PDXDC1: variants seen among roughly 807,000 people sequenced by gnomAD.
The protein encoded by PDXDC1 is pyridoxal-dependent decarboxylase domain-containing protein 1.
Under a neutral mutation model 100.1 loss-of-function variants are expected in PDXDC1, and 42 were observed. The observed-to-expected ratio is 0.42, with a 90% confidence interval of 0.33 to 0.54. The LOEUF is 0.54. PDXDC1 is among the 20% of genes least tolerant of loss of function. PDXDC1 has a pLI of 0.10. For missense variants in PDXDC1, 636 were observed against 979.2 expected (o/e 0.65, Z 4.68); for synonymous variants, 260 against 371.7 (o/e 0.70, Z 3.46).
rs867397229 is a variant in PDXDC1, at chr16:14,984,123, G to A, written c.21+8903G>A. Among the ~76,000 whole-genome samples the A allele has an allele frequency of 5.3e-5, 8 of 152,254 alleles. 1 individual carries two copies. The highest frequency in any genetic ancestry group is 2.6e-4 in the Admixed American group (4 of 15,282). Reference sequence around the variant, plus strand: ...GGCTGCAGGGAGCCACGATAGTGCCGCTGCACTTGGCCTGGGTGACAGAGT... The same window carrying A: ...GGCTGCAGGGAGCCACGATAGTGCCACTGCACTTGGCCTGGGTGACAGAGT... On this transcript the variant is annotated intron_variant, in intron 1 of 22. Coordinates refer to ENST00000396410, the MANE Select transcript of PDXDC1 (RefSeq NM_015027.4).
At chr16:15,133,377 GC>G in intron 16 of PDXDC1, 1 of 1,036,568 alleles carries the variant, frequency 9.6e-7, no homozygotes, top group Non-Finnish European at 1.5e-6. Flanking sequence ...CAGACTGTGA[GC>G]CCCATTGCGC....
chr16:15,049,201 A>G (rs2044202097), intron 16 of PDXDC1, among the ~76,000 whole-genome samples: 2 of 150,442 alleles, frequency 1.3e-5, no homozygotes, highest in Non-Finnish European at 3.0e-5. Flanking sequence ...GCTGATTTTT[A>G]TACTTTTTGT....
intron 1 of PDXDC1, among the ~76,000 whole-genome samples, chr16:14,990,381 T>C (rs1970501668): frequency 1.3e-5 from 2 of 152,300 alleles, no homozygotes; most frequent in Non-Finnish European, 2.9e-5. Flanking sequence ...TGGTGTTGTT[T>C]ATTAATGTTG....
chr16:15,032,607 TC>T, intron 17 of PDXDC1: 1 of 344,686 alleles, frequency 2.9e-6, no homozygotes. Flanking sequence ...TGAGCCAAGA[TC>T]ATGCCACTGC....
At chr16:15,044,206 G>C in intron 16 of PDXDC1, 1 of 652,198 alleles carries the variant, frequency 1.5e-6, no homozygotes. Flanking sequence ...TGGGCAGTCT[G>C]TTTCTCTGTG....
Position 15,111,885 on chromosome 16 carries a change from G to C in PDXDC1, c.1400-26994G>C, listed in dbSNP as rs141704557. 5.5e-3 allele frequency among the ~76,000 whole-genome samples: 822 copies of C among 149,264 alleles called. 12 individuals are homozygous for C. Among genetic ancestry groups the C allele is most frequent in the African/African-American group, 0.019 (795 of 41,156 alleles). Reference sequence around the variant, plus strand: ...CACAGGTTAACATGTTTCACAACTTGAAAAGGAAGGAATTAATTACCTTCA... The same window carrying C: ...CACAGGTTAACATGTTTCACAACTTCAAAAGGAAGGAATTAATTACCTTCA... On this transcript the variant is annotated intron_variant, in intron 16 of 16. Transcript: ENST00000535621.
At chr16:14,983,180 G>A (rs1188192100) in intron 1 of PDXDC1, among the ~76,000 whole-genome samples, 2 of 152,256 alleles carry the variant, frequency 1.3e-5, no homozygotes, top group South Asian at 2.1e-4. Context: ...TTGTTGAAAC[G>A]AAAGTATTAT....
chr16:14,977,816 C>G (rs1171647536), intron 1 of PDXDC1, among the ~76,000 whole-genome samples: 2 of 152,252 alleles, frequency 1.3e-5, no homozygotes, highest in Admixed American at 6.5e-5. Flanking sequence ...AACTCAAGAG[C>G]TATGTGAGCA....
chr16:15,036,359 C>T lies in PDXDC1; in HGVS notation c.*84C>T. 1.6e-6 allele frequency: 2 copies of T among 1,264,300 alleles called. No homozygotes were observed. Among genetic ancestry groups the T allele is most frequent in the Non-Finnish European group, 2.2e-6 (2 of 901,064 alleles). The allele number at this position is 1,264,300 out of a possible 1,614,324, so 78.3% of individuals were successfully genotyped here. ...TTGGAAATGTGAACTGTGCCACATA[C>T]TAATATAAATTACTGTTGTTTGTGC... On this transcript the variant is annotated 3_prime_UTR_variant, in exon 23 of 23. Coordinates refer to ENST00000396410, the MANE Select transcript of PDXDC1 (RefSeq NM_015027.4).
At chr16:15,004,530 A>C (rs1413482980) in intron 5 of PDXDC1, among the ~76,000 whole-genome samples, 197 bp downstream of exon 5, 2 of 152,302 alleles carry the variant, frequency 1.3e-5, no homozygotes, top group Admixed American at 1.3e-4. Context: ...TGTGAGGATT[A>C]AATGAGCTAA....
At chr16:15,029,802 A>T in intron 15 of PDXDC1, 149 bp from the exon 16 acceptor site, 1 of 640,500 alleles carries the variant, frequency 1.6e-6, no homozygotes, top group Admixed American at 2.9e-5. Flanking sequence ...ACTGTTTTTA[A>T]AAAGCTGCTC....
intron 16 of PDXDC1, chr16:15,061,832 G>C (rs1367148440): frequency 2.5e-6 from 4 of 1,614,114 alleles, no homozygotes; most frequent in Non-Finnish European, 3.4e-6. Context: ...GGAGCTTGGT[G>C]TGATCCCAAT....
chr16:15,149,568 G>A, the PDXDC1 span, among the ~76,000 whole-genome samples: 1 of 152,122 alleles, frequency 6.6e-6, no homozygotes, highest in Non-Finnish European at 1.5e-5. Flanking sequence ...TCCCAGGCAG[G>A]GGCCCCGGGG....
At chr16:15,071,382 AT>A in intron 16 of PDXDC1, 1 of 864,992 alleles carries the variant, frequency 1.2e-6, no homozygotes, top group Non-Finnish European at 1.8e-6. Flanking sequence ...CATGGGCTTC[AT>A]TTTTAAAACA....
chr16:14,998,281 G>C, intron 2 of PDXDC1, 59 bp from the exon 3 acceptor site: 1 of 1,565,400 alleles, frequency 6.4e-7, no homozygotes, highest in East Asian at 2.3e-5. Context: ...TGCATATTCA[G>C]GAGTTAGAAA....
At chr16:15,096,444 G>A (rs2151838745) in intron 16 of PDXDC1, among the ~76,000 whole-genome samples, 1 of 152,264 alleles carries the variant, frequency 6.6e-6, no homozygotes, top group Middle Eastern at 3.4e-3. Context: ...GCTCTGTTTT[G>A]CAACAGTGTA....
At chr16:15,003,430 A>C (rs1308485130) in intron 4 of PDXDC1, among the ~76,000 whole-genome samples, 10 of 152,248 alleles carry the variant, frequency 6.6e-5, no homozygotes, top group East Asian at 3.9e-4. Context: ...GTTAGCCAGG[A>C]TGGTCTCAAT....
chr16:15,068,300 A>G, intron 16 of PDXDC1: 3 of 1,564,884 alleles, frequency 1.9e-6, no homozygotes, highest in South Asian at 1.2e-5. Flanking sequence ...AAAAAAAAAG[A>G]TTTTTTTAAA....
chr16:15,141,247 G>A (rs567441870), downstream of PDXDC1, among the ~76,000 whole-genome samples: 2 of 152,226 alleles, frequency 1.3e-5, no homozygotes. Context: ...CACACAGGCT[G>A]CCTGGTGGGG....
Sources: allele counts gnomAD v4.1 joint callset (sites outside exome capture counted in the v4.1 genomes callset), GRCh38; gene constraint gnomAD v4.1.1; transcripts MANE v1.5; gene names NCBI Gene and HGNC (gene_info 2026-07-23, HGNC 2026-07-21).